Variants in BICC1 observed in about 807,000 individuals in gnomAD.
BICC1 encodes the protein BicC family RNA binding protein 1, also known as protein bicaudal C homolog 1.
BICC1 carries 43 observed loss-of-function variants against 111.0 expected under a neutral mutation model. The observed-to-expected ratio is 0.39, with a 90% CI of 0.30 to 0.50. The LOEUF is 0.50. Ranked by LOEUF, BICC1 falls within the 20% of genes least tolerant of loss-of-function variation. The probability of loss-of-function intolerance (pLI) is 0.88; values close to 1 mark genes in which losing one functional copy is unlikely to be tolerated. For missense variants in BICC1, 1,091 were observed against 1,203.2 expected, an observed-to-expected ratio of 0.91 and a Z score of 1.38; for synonymous variants, 467 against 434.4, an observed-to-expected ratio of 1.07 and a Z score of -0.93.
chr10:58,681,007 T>A (rs533728815), intron 2 of BICC1, among the ~76,000 whole-genome samples: 1 of 152,210 alleles, frequency 6.6e-6, no homozygotes, highest in Non-Finnish European at 1.5e-5. Context: ...CCTTACACCT[T>A]ATGCAAAAAT....
At chr10:58,555,336 G>A (rs1479287623) in intron 1 of BICC1, among the ~76,000 whole-genome samples, 1 of 99,106 alleles carries the variant, frequency 1.0e-5, no homozygotes, top group African/African-American at 4.0e-5. Flanking sequence ...TTTTTTTTTA[G>A]GTGGCTGACC....
chr10:58,689,907 G>A (rs1478893356), intron 2 of BICC1, among the ~76,000 whole-genome samples: 4 of 152,168 alleles, frequency 2.6e-5, no homozygotes, highest in African/African-American at 9.7e-5. Context: ...GAGCTCATTA[G>A]GTGTTTTTTA....
rs1453536303 is a variant in BICC1 at position 58,521,778 on chromosome 10, T to G, written c.190+8445T>G. 3.1e-3 allele frequency among the ~76,000 whole-genome samples: 88 copies of G among 28,516 alleles called. 2 individuals carry two copies. The highest frequency in any genetic ancestry group is 0.023 in the African/African-American group (80 of 3,406). The allele number at this position is 28,516 out of a possible 152,430, so 18.7% of individuals were successfully genotyped here. Reference sequence around the variant, plus strand: ...GCCAGGGAATGTGGTGTTTTTTTTTTTTTTTTTTTTTTTTTTTTTTTTTTT... The same window carrying G: ...GCCAGGGAATGTGGTGTTTTTTTTTGTTTTTTTTTTTTTTTTTTTTTTTTT... On this transcript the variant is annotated intron_variant, in intron 1 of 20. Transcript: ENST00000373886.
At chr10:58,707,277 T>A (rs1185147345) in intron 3 of BICC1, among the ~76,000 whole-genome samples, 1 of 152,178 alleles carries the variant, frequency 6.6e-6, no homozygotes, top group Non-Finnish European at 1.5e-5. Flanking sequence ...AATGTTTTGT[T>A]GAGTATGCTT....
chr10:58,655,891 G>A (rs1322523376), intron 2 of BICC1, among the ~76,000 whole-genome samples: 1 of 151,988 alleles, frequency 6.6e-6, no homozygotes, highest in Non-Finnish European at 1.5e-5. Flanking sequence ...TTTTTAGCAT[G>A]AAGGGTTGTT....
At chr10:58,715,516 T>C in intron 3 of BICC1, 1 of 1,254,192 alleles carries the variant, frequency 8.0e-7, no homozygotes, top group East Asian at 2.3e-5. Context: ...TCTGGCCTGG[T>C]TTCCCTCGGC....
intron 2 of BICC1, among the ~76,000 whole-genome samples, chr10:58,629,646 T>C (rs1005284474): frequency 5.3e-5 from 8 of 152,222 alleles, no homozygotes; most frequent in African/African-American, 1.9e-4. Flanking sequence ...CACTAAGGTT[T>C]ATCATTTTGA....
intron 2 of BICC1, among the ~76,000 whole-genome samples, chr10:58,653,742 A>G (rs1406646899): frequency 1.3e-5 from 2 of 151,178 alleles, no homozygotes; most frequent in Admixed American, 1.3e-4. Context: ...CAGTTTAGTT[A>G]CATATGTATA....
At chr10:58,745,703 AC>A (rs1437973400) in intron 3 of BICC1, among the ~76,000 whole-genome samples, 9 of 142,232 alleles carry the variant, frequency 6.3e-5, no homozygotes, top group Non-Finnish European at 1.4e-4. Context: ...TCCCTCTTCC[AC>A]CTTTAAGGAG....
At chr10:58,730,764 T>C (rs373434189) in intron 3 of BICC1, among the ~76,000 whole-genome samples, 2 of 152,140 alleles carry the variant, frequency 1.3e-5, no homozygotes, top group Non-Finnish European at 2.9e-5. Context: ...TCCTGAGTGG[T>C]ACCTTTGCTC....
At chr10:58,730,622 C>T (rs1285940472) in intron 3 of BICC1, among the ~76,000 whole-genome samples, 1 of 152,156 alleles carries the variant, frequency 6.6e-6, no homozygotes, top group Non-Finnish European at 1.5e-5. Context: ...GCTTGGACAT[C>T]TAGGCTTTTT....
intron 1 of BICC1, among the ~76,000 whole-genome samples, chr10:58,569,681 C>T (rs576110755): frequency 1.5e-3 from 234 of 152,222 alleles, no homozygotes; most frequent in Non-Finnish European, 2.4e-3. Flanking sequence ...TGAGAATGAT[C>T]GTTTCCAGCT....
At chr10:58,745,140 C>G (rs912270425) in intron 3 of BICC1, among the ~76,000 whole-genome samples, 3 of 152,112 alleles carry the variant, frequency 2.0e-5, no homozygotes, top group Non-Finnish European at 4.4e-5. Flanking sequence ...CATCACAAAA[C>G]TTCAACTTTT....
intron 3 of BICC1, among the ~76,000 whole-genome samples, chr10:58,723,910 T>A (rs1286952222): frequency 6.6e-6 from 1 of 152,216 alleles, no homozygotes; most frequent in African/African-American, 2.4e-5. Context: ...TTAGGAGTGT[T>A]GTCTAGCAAA....
chr10:58,551,488 G>A (rs751818265), intron 1 of BICC1, among the ~76,000 whole-genome samples: 1 of 152,126 alleles, frequency 6.6e-6, no homozygotes, highest in South Asian at 2.1e-4. Flanking sequence ...ATTTTTGTGT[G>A]TGTGGTGAAC....
chr10:58,561,399 A>G (rs1364916644), intron 1 of BICC1, among the ~76,000 whole-genome samples: 1 of 151,886 alleles, frequency 6.6e-6, no homozygotes, highest in Non-Finnish European at 1.5e-5. Context: ...TGTGTAGAAT[A>G]TTCTTGTTCA....
intron 17 of BICC1, among the ~76,000 whole-genome samples, chr10:58,808,428 G>C (rs879467131): frequency 1.3e-5 from 2 of 152,162 alleles, no homozygotes; most frequent in Non-Finnish European, 2.9e-5. Context: ...GTGCCAGATT[G>C]TTGACTGTGT....
chr10:58,633,451 A>G (rs980764970), intron 2 of BICC1, among the ~76,000 whole-genome samples: 18 of 152,200 alleles, frequency 1.2e-4, no homozygotes, highest in African/African-American at 4.3e-4. Flanking sequence ...GGGACAAATT[A>G]TTACTTTTTT....
At chr10:58,823,362 C>G (rs1281456587) in intron 20 of BICC1, 24 of 985,266 alleles carry the variant, frequency 2.4e-5, no homozygotes, top group Non-Finnish European at 2.9e-5. Context: ...AGGAGTTTGC[C>G]TTATCATTTA....
Sources: allele counts gnomAD v4.1 joint callset (sites outside exome capture counted in the v4.1 genomes callset), GRCh38; gene constraint gnomAD v4.1.1; transcripts MANE v1.5; gene names NCBI Gene and HGNC (gene_info 2026-07-23, HGNC 2026-07-21).